The following PDE10A variants were observed in gnomAD, a reference collection of about 807,000 sequenced individuals.
PDE10A encodes cAMP and cAMP-inhibited cGMP 3',5'-cyclic phosphodiesterase 10A.
In PDE10A, 39 loss-of-function variants were observed where a neutral mutation model predicts 97.7. The observed-to-expected ratio is 0.40, with a 90% confidence interval of 0.31 to 0.52. The LOEUF (loss-of-function observed/expected upper bound fraction) is 0.52. Among genes scored for constraint, PDE10A ranks in the 20% least tolerant of loss-of-function variants. PDE10A has a pLI of 0.56. For synonymous variants in PDE10A, 371 were observed against 376.8 expected, an observed-to-expected ratio of 0.98 and a Z score of 0.18; for missense variants, 731 against 1,047.8, an observed-to-expected ratio of 0.70 and a Z score of 4.17.
chr6:165,788,518 C>CAAAAAAAAAAAAAAAAA (rs56927613), intron 1 of PDE10A, among the ~76,000 whole-genome samples: 89 of 74,510 alleles, frequency 1.2e-3, no homozygotes, highest in East Asian at 1.9e-3. Context: ...AACTCTGTCT[C>CAAAAAAAAAAAAAAAAA]AAAAAAAAAA....
At chr6:165,650,843 T>A (rs1452991258) in intron 1 of PDE10A, among the ~76,000 whole-genome samples, 1 of 152,094 alleles carries the variant, frequency 6.6e-6, no homozygotes, top group Non-Finnish European at 1.5e-5. Flanking sequence ...GTTCAAGCGA[T>A]TCTCCTGCCT....
intron 2 of PDE10A, among the ~76,000 whole-genome samples, chr6:165,485,204 G>A (rs1255284742): frequency 2.0e-5 from 3 of 152,118 alleles, no homozygotes; most frequent in African/African-American, 2.4e-5. Context: ...GGACGCGGTG[G>A]CTCACGCCTG....
intron 1 of PDE10A, among the ~76,000 whole-genome samples, chr6:165,562,922 G>T (rs527719703): frequency 6.6e-6 from 1 of 151,968 alleles, no homozygotes; most frequent in African/African-American, 2.4e-5. Flanking sequence ...CGTAGAAGCC[G>T]GCGAGGTTGC....
At chr6:165,727,794 T>C (rs938844846) in intron 1 of PDE10A, among the ~76,000 whole-genome samples, 1 of 152,258 alleles carries the variant, frequency 6.6e-6, no homozygotes, top group African/African-American at 2.4e-5. Context: ...TAAATAATCA[T>C]GTTTCCAAAG....
rs1020142329 is a variant in PDE10A, at chr6:165,431,512, C to T, written c.1492-40G>A. The T allele has an allele frequency of 4.6e-6, 5 of 1,083,470 alleles. No homozygotes were observed. In the African/African-American group the frequency reaches 8.0e-5, roughly 17 times the overall value. The allele number at this position is 1,083,470 out of a possible 1,614,324, so 67.1% of individuals were successfully genotyped here. On this transcript the variant is annotated intron_variant, in intron 7 of 21. Coordinates refer to ENST00000539869, the MANE Select transcript of PDE10A (RefSeq NM_001385079.1). ...AAATACATACCTATAAGTAATAATA[C>T]ATAACGTATATATATATACTATATA...
intron 1 of PDE10A, among the ~76,000 whole-genome samples, chr6:165,881,699 C>G (rs957297788): frequency 3.2e-4 from 49 of 151,766 alleles, no homozygotes; most frequent in Admixed American, 6.6e-5. Flanking sequence ...TGAGCCCAGC[C>G]CAAGCAATTT....
intron 1 of PDE10A, chr6:165,908,971 A>G (rs1782381029): frequency 6.6e-6 from 1 of 152,210 alleles, no homozygotes; most frequent in Non-Finnish European, 1.5e-5. Flanking sequence ...CTTAGAAAGC[A>G]GTTGTTTGCA....
At position 165,331,271 on chromosome 6, in the gene PDE10A, G is replaced by A. The variant is rs1781325970; in HGVS notation, c.*1754C>T. On this transcript the variant is annotated 3_prime_UTR_variant, in exon 22 of 22. Coordinates refer to ENST00000539869, the MANE Select transcript of PDE10A (RefSeq NM_001385079.1). ...CCACAGTGGTACTTCTCTCTCTTTT[G>A]TTATTACATTTTACCTCATAGTGTA... 6.6e-6 allele frequency: 1 copy of A among 151,752 alleles called. No individual in the cohort carries two copies. Among genetic ancestry groups the A allele is most frequent in the Non-Finnish European group, 1.5e-5 (1 of 67,938 alleles). The allele number at this position is 151,752 out of a possible 1,614,324, so 9.4% of individuals were successfully genotyped here. A position where few individuals can be genotyped will look rare whatever the true frequency, so the allele number is the denominator to read the frequency against.
At chr6:165,650,627 T>C (rs1489819591) in intron 1 of PDE10A, among the ~76,000 whole-genome samples, 2 of 152,234 alleles carry the variant, frequency 1.3e-5, no homozygotes, top group Admixed American at 6.5e-5. Context: ...GACAGGCCAT[T>C]AGATGGTTTC....
At chr6:165,405,209 A>C (rs1787038762) in intron 13 of PDE10A, among the ~76,000 whole-genome samples, 1 of 152,330 alleles carries the variant, frequency 6.6e-6, no homozygotes, top group East Asian at 1.9e-4. Flanking sequence ...AGCGTATAGA[A>C]GACAACTGGT....
intron 18 of PDE10A, among the ~76,000 whole-genome samples, chr6:165,374,755 G>GTTTTTTTTTT (rs67030054): frequency 7.1e-6 from 1 of 141,326 alleles, no homozygotes; most frequent in African/African-American, 2.6e-5. Context: ...CATGTTTTTG[G>GTTTTTTTTTT]TTTTTTTTTT....
At chr6:165,801,209 C>T (rs1485823222) in intron 1 of PDE10A, among the ~76,000 whole-genome samples, 1 of 152,212 alleles carries the variant, frequency 6.6e-6, no homozygotes, top group East Asian at 1.9e-4. Flanking sequence ...AAGGCATCAC[C>T]CTCTCTTCCC....
intron 2 of PDE10A, among the ~76,000 whole-genome samples, chr6:165,502,458 T>C (rs1041706985): frequency 6.6e-6 from 1 of 152,250 alleles, no homozygotes; most frequent in African/African-American, 2.4e-5. Context: ...AAGATTTGAA[T>C]AGATTCTTCA....
At position 165,867,335 on chromosome 6, in the gene PDE10A, T is replaced by C. The variant is rs1421852150; in HGVS notation, c.-615+120194A>G. ...AAAGTGGAGGGATGGAAAAAAAAAA[T>C]CCACACAAATGGGAACCAAAAGCTT... is the stretch of plus-strand genomic sequence containing the variant. On this transcript the variant is annotated intron_variant, in intron 1 of 19. Coordinates refer to the PDE10A transcript ENST00000366882. Among the ~76,000 whole-genome samples the C allele has an allele frequency of 2.0e-5, 3 of 148,866 alleles. No individual in the cohort carries two copies. The East Asian group carries it at 5.8e-4, about 29-fold the overall frequency.
At chr6:165,749,853 C>A (rs1179266891) in intron 1 of PDE10A, among the ~76,000 whole-genome samples, 1 of 152,190 alleles carries the variant, frequency 6.6e-6, no homozygotes, top group East Asian at 1.9e-4. Flanking sequence ...CTTATTCTTT[C>A]CTTAGTATTT....
chr6:165,354,503 C>T (rs556838611), intron 18 of PDE10A, among the ~76,000 whole-genome samples: 3 of 152,148 alleles, frequency 2.0e-5, no homozygotes, highest in African/African-American at 7.2e-5. Flanking sequence ...ATCTTCACAT[C>T]GGCACAGATG....
chr6:165,370,096 G>A (rs1784120509), intron 18 of PDE10A, among the ~76,000 whole-genome samples: 1 of 151,942 alleles, frequency 6.6e-6, no homozygotes, highest in Non-Finnish European at 1.5e-5. Flanking sequence ...ACATGGAAAG[G>A]AACAACCGGT....
intron 1 of PDE10A, among the ~76,000 whole-genome samples, chr6:165,557,529 T>A (rs7769917): frequency 0.021 from 3,253 of 152,288 alleles, 136 homozygotes; most frequent in African/African-American, 0.075. Context: ...TTTCCACTTA[T>A]CAAAATACGT....
Position 165,662,390 on chromosome 6 carries a change from C to G in PDE10A, c.422G>C (p.Arg141Pro), listed in dbSNP as rs1790324094. Residue 141 changes from arginine to proline, a missense_variant, in exon 1 of 22, where the codon CGT becomes CCT. Transcript: ENST00000539869. ...PSSSAFHLPV[R>P]LPGREGAAAA... is the part of the protein sequence containing the mutation. The stretch of plus-strand genomic sequence containing the variant: ...CGCTGCGCCCTCCCTTCCTGGGAGA[C>G]GCACGGGGAGGTGAAAGGCAGATGA... The G allele has an allele frequency of 6.5e-6, 1 of 153,246 alleles. No homozygotes were observed. The highest frequency in any genetic ancestry group is 1.4e-5 in the Non-Finnish European group (1 of 71,434). The allele number at this position is 153,246 out of a possible 1,614,324, so 9.5% of individuals were successfully genotyped here.
Sources: allele counts gnomAD v4.1 joint callset (sites outside exome capture counted in the v4.1 genomes callset), GRCh38; gene constraint gnomAD v4.1.1; transcripts MANE v1.5; gene names NCBI Gene and HGNC (gene_info 2026-07-23, HGNC 2026-07-21).